The following NECAB1 variants were observed in gnomAD, a reference collection of about 807,000 sequenced individuals.
NECAB1 encodes N-terminal EF-hand calcium binding protein 1, also known as N-terminal EF-hand calcium-binding protein 1.
NECAB1 carries 29 observed loss-of-function variants against 57.5 expected under a neutral mutation model. That is an observed-to-expected ratio of 0.50 (90% CI 0.38 to 0.69). NECAB1 has a LOEUF of 0.69. Among genes scored for constraint, NECAB1 ranks in the 30% least tolerant of loss-of-function variants. The pLI is 0.00. For synonymous variants in NECAB1, 142 were observed against 147.7 expected, an observed-to-expected ratio of 0.96 and a Z score of 0.28; for missense variants, 372 against 413.8, an observed-to-expected ratio of 0.90 and a Z score of 0.88.
chr8:90,951,063 G>A (rs1193016615), intron 11 of NECAB1, 50 bp from the exon 12 acceptor site: 1 of 1,161,634 alleles, frequency 8.6e-7, no homozygotes, highest in African/African-American at 1.6e-5. Flanking sequence ...CTGTACTTGG[G>A]AAGATTGTAA....
At chr8:90,907,543 C>T (rs1586112429) in intron 5 of NECAB1, among the ~76,000 whole-genome samples, 1 of 152,128 alleles carries the variant, frequency 6.6e-6, no homozygotes. Context: ...ATAAAAAATA[C>T]AATGTATTTC....
intron 2 of NECAB1, among the ~76,000 whole-genome samples, chr8:90,821,971 G>A (rs1812151114): frequency 6.6e-6 from 1 of 151,796 alleles, no homozygotes; most frequent in African/African-American, 2.4e-5. Flanking sequence ...AAAATTATTG[G>A]AATTTGGAAC....
intron 10 of NECAB1, among the ~76,000 whole-genome samples, chr8:90,947,721 C>A (rs1398235959): frequency 6.6e-6 from 1 of 152,098 alleles, no homozygotes; most frequent in African/African-American, 2.4e-5. Context: ...CACTTTAATT[C>A]TCAAAGTATT....
At chr8:90,798,119 C>A (rs957884011) in intron 1 of NECAB1, among the ~76,000 whole-genome samples, 7 of 152,174 alleles carry the variant, frequency 4.6e-5, no homozygotes, top group Non-Finnish European at 8.8e-5. Flanking sequence ...CCTTGGCTTT[C>A]AGCTGCACCA....
chr8:90,833,922 G>A (rs1171211631), intron 3 of NECAB1, among the ~76,000 whole-genome samples: 2 of 152,064 alleles, frequency 1.3e-5, no homozygotes, highest in East Asian at 3.9e-4. Flanking sequence ...CAGTACTTTG[G>A]AAGGCTGAGG....
At chr8:90,855,257 GA>G (rs1450310201) in intron 3 of NECAB1, among the ~76,000 whole-genome samples, 1 of 151,910 alleles carries the variant, frequency 6.6e-6, no homozygotes, top group Admixed American at 6.6e-5. Context: ...CACCATCAAA[GA>G]AAAAAAGTGC....
intron 3 of NECAB1, among the ~76,000 whole-genome samples, chr8:90,869,899 T>A (rs1347518451): frequency 6.6e-6 from 1 of 152,152 alleles, no homozygotes; most frequent in Non-Finnish European, 1.5e-5. Flanking sequence ...ATGGTTTGGC[T>A]TTCTGTCTCC....
chr8:90,824,602 CTTTT>C (rs1336751097), intron 2 of NECAB1, 111 bp from the exon 3 acceptor site: 4 of 533,752 alleles, frequency 7.5e-6, no homozygotes, highest in East Asian at 6.2e-5. Flanking sequence ...GCTGTTCTTT[CTTTT>C]TGAGTACACG....
At chr8:90,932,173 T>A (rs1190338358) in intron 8 of NECAB1, among the ~76,000 whole-genome samples, 3 of 152,140 alleles carry the variant, frequency 2.0e-5, no homozygotes, top group African/African-American at 7.2e-5. Flanking sequence ...GAAATAGTGG[T>A]CAAGGAGATT....
chr8:90,807,679 A>G (rs954829447), intron 2 of NECAB1, among the ~76,000 whole-genome samples: 1 of 152,208 alleles, frequency 6.6e-6, no homozygotes, highest in Non-Finnish European at 1.5e-5. Flanking sequence ...TCTGTATTTC[A>G]TAATTCCTCA....
chr8:90,876,761 T>G (rs1184757022), intron 4 of NECAB1, among the ~76,000 whole-genome samples: 7 of 152,146 alleles, frequency 4.6e-5, no homozygotes, highest in Non-Finnish European at 1.0e-4. Flanking sequence ...TACATCTGCT[T>G]ATAAACTGTG....
At position 90,917,479 on chromosome 8, in the gene NECAB1, T is replaced by C. The variant is rs1286875449; in HGVS notation, c.358-13T>C. ...TACCATACTTCTAATTGCATTTGTT[T>C]TGTCACCCTTAGGACTACCAAGAAG... On this transcript the variant is annotated splice_polypyrimidine_tract_variant and intron_variant, in intron 5 of 12. Coordinates refer to ENST00000417640, the MANE Select transcript of NECAB1 (RefSeq NM_022351.5). 1.3e-6 allele frequency: 2 copies of C among 1,574,310 alleles called. No individual in the cohort carries two copies. The highest frequency in any genetic ancestry group is 1.2e-5 in the South Asian group (1 of 83,812).
rs570443860 is a variant in NECAB1, at chr8:90,882,215, T to C, written c.357+1085T>C. ...GATTGGGGTGGATAATATAGAGGAATAGGATCAGAAAGATGAGTGAGTAGG... is the reference window on the plus strand; with the variant it reads ...GATTGGGGTGGATAATATAGAGGAACAGGATCAGAAAGATGAGTGAGTAGG... On this transcript the variant is annotated intron_variant, in intron 5 of 12. Coordinates refer to ENST00000417640, the MANE Select transcript of NECAB1 (RefSeq NM_022351.5). Among the ~76,000 whole-genome samples the C allele has an allele frequency of 3.9e-5, 6 of 152,198 alleles. No individual in the cohort carries two copies. In the South Asian group the frequency reaches 1.0e-3, roughly 26 times the overall value.
intron 2 of NECAB1, among the ~76,000 whole-genome samples, chr8:90,820,723 C>A (rs543555804): frequency 6.7e-6 from 1 of 149,022 alleles, no homozygotes. Context: ...GATTTACAAA[C>A]CTGATTACCT....
chr8:90,795,169 A>G (rs1185527044), intron 1 of NECAB1, among the ~76,000 whole-genome samples: 2 of 152,236 alleles, frequency 1.3e-5, no homozygotes, highest in East Asian at 3.8e-4. Context: ...TTGGAATACT[A>G]GTCTATGTAG....
At chr8:90,915,575 C>T (rs2130108384) in intron 5 of NECAB1, among the ~76,000 whole-genome samples, 2 of 152,164 alleles carry the variant, frequency 1.3e-5, no homozygotes, top group Admixed American at 1.3e-4. Context: ...ATGTATTGGT[C>T]AGGGTTCTCT....
intron 3 of NECAB1, among the ~76,000 whole-genome samples, chr8:90,826,895 C>T (rs1462310503): frequency 2.0e-5 from 3 of 151,872 alleles, no homozygotes; most frequent in Non-Finnish European, 4.4e-5. Flanking sequence ...ATAATTATTA[C>T]TACCAGTTTC....
At chr8:90,921,155 T>C (rs560729767) in intron 6 of NECAB1, among the ~76,000 whole-genome samples, 1 of 152,252 alleles carries the variant, frequency 6.6e-6, no homozygotes, top group South Asian at 2.1e-4. Context: ...TAACTGGGAC[T>C]ACAGTCATCT....
Position 90,897,572 on chromosome 8 carries a change from A to G in NECAB1, c.357+16442A>G, listed in dbSNP as rs191309633. Reference sequence around the variant, plus strand: ...ATGGATGTTCTAATTATTTTTTCAGACTATCAGATTGCATGCTTCAGCAAT... The same window carrying G: ...ATGGATGTTCTAATTATTTTTTCAGGCTATCAGATTGCATGCTTCAGCAAT... On this transcript the variant is annotated intron_variant, in intron 5 of 12. Coordinates refer to ENST00000417640, the MANE Select transcript of NECAB1 (RefSeq NM_022351.5). 6.6e-4 allele frequency among the ~76,000 whole-genome samples: 100 copies of G among 152,338 alleles called. 2 individuals are homozygous for G. The highest frequency in any genetic ancestry group is 4.4e-3 in the Admixed American group (68 of 15,304).
Sources: allele counts gnomAD v4.1 joint callset (sites outside exome capture counted in the v4.1 genomes callset), GRCh38; gene constraint gnomAD v4.1.1; transcripts MANE v1.5; gene names NCBI Gene and HGNC (gene_info 2026-07-23, HGNC 2026-07-21).